The following TRIM66 variants were observed in gnomAD, a reference collection of about 807,000 sequenced individuals.
TRIM66 encodes tripartite motif containing 66, also known as tripartite motif-containing protein 66.
In TRIM66, 99 loss-of-function variants were observed where a neutral mutation model predicts 148.2. The ratio of observed to expected loss-of-function variants is 0.67; its 90% CI spans 0.57 to 0.79. The LOEUF is 0.79. Ranked by LOEUF, TRIM66 falls within the 30% of genes least tolerant of loss-of-function variation. The pLI, the probability that TRIM66 is intolerant of heterozygous loss-of-function variation, is 0.00. For missense variants in TRIM66, 1,666 were observed against 1,697.9 expected (o/e 0.98, Z 0.33); for synonymous variants, 616 against 635.9 (o/e 0.97, Z 0.47).
chr11:8,677,176 T>C (rs1056477827), intron 3 of TRIM66, among the ~76,000 whole-genome samples: 3 of 152,124 alleles, frequency 2.0e-5, no homozygotes, highest in South Asian at 4.1e-4. Context: ...ATAACACTCA[T>C]TTTAGGGAGA....
intron 15 of TRIM66, among the ~76,000 whole-genome samples, chr11:8,629,719 C>T (rs1401328371): frequency 6.6e-6 from 1 of 152,148 alleles, no homozygotes; most frequent in African/African-American, 2.4e-5. Flanking sequence ...TCCCGTAATG[C>T]CCAGAAGACA....
intron 15 of TRIM66, among the ~76,000 whole-genome samples, chr11:8,636,055 AATC>A (rs2133001591): frequency 6.6e-6 from 1 of 152,030 alleles, no homozygotes; most frequent in East Asian, 1.9e-4. Context: ...CCTTTCCCGT[AATC>A]ATTCCTGGGC....
chr11:8,621,428 A>T (rs943807331), intron 19 of TRIM66, 107 bp from the exon 20 acceptor site: 10 of 1,411,034 alleles, frequency 7.1e-6, no homozygotes, highest in Non-Finnish European at 8.4e-6. Flanking sequence ...AGAGCCACTT[A>T]TTCCAGGACC....
At chr11:8,643,796 C>G (rs2036611201) in intron 12 of TRIM66, among the ~76,000 whole-genome samples, 1 of 152,162 alleles carries the variant, frequency 6.6e-6, no homozygotes, top group African/African-American at 2.4e-5. Flanking sequence ...GCTGTACTTC[C>G]ACTTGCAGGT....
Position 8,618,805 on chromosome 11 carries a change from G to C in TRIM66, c.4064C>G (p.Pro1355Arg). The C allele has an allele frequency of 6.4e-7, 1 of 1,551,310 alleles. No homozygotes were observed. The highest frequency in any genetic ancestry group is 8.7e-7 in the Non-Finnish European group (1 of 1,146,924). The part of the protein sequence containing the change: ...ESGCSTPQGF[P>R]WPPYMQEGIQ... ...GCCCTCCTGCATGTAGGGAGGCCAC[G>C]GGAAGCCCTGGGGAGTGGAACATCC... Residue 1355 changes from proline (P) to arginine (R), a missense_variant, in exon 24 of 25, where the codon CCG becomes CGG. Physicochemically the swap from Pro to Arg is moderately radical, Grantham distance 103. Coordinates refer to ENST00000646038, the MANE Select transcript of TRIM66 (RefSeq NM_001388022.1).
upstream of TRIM66, chr11:8,683,048 C>A (rs1463702968): frequency 1.7e-5 from 15 of 875,434 alleles, no homozygotes; most frequent in Non-Finnish European, 2.5e-5. Flanking sequence ...CGTGGTGAGA[C>A]CTCACGGCCC....
intron 16 of TRIM66, 43 bp downstream of exon 16, chr11:8,624,670 T>C: frequency 6.8e-7 from 1 of 1,478,502 alleles, no homozygotes; most frequent in East Asian, 2.5e-5. Context: ...TTTTGCCCAA[T>C]GATGAACAAA....
intron 3 of TRIM66, among the ~76,000 whole-genome samples, chr11:8,677,375 A>G (rs569117471): frequency 1.3e-5 from 2 of 152,324 alleles, no homozygotes; most frequent in East Asian, 1.9e-4. Flanking sequence ...TACACACTCA[A>G]TTAATATTTA....
Position 8,647,008 on chromosome 11 carries a change from A to G in TRIM66, c.843-447T>C, listed in dbSNP as rs531186808. ...GAGAGTGACTAATAATGTTTATATTATTGGCATAATAACATATTATATAAT... is the reference window on the plus strand; with the variant it reads ...GAGAGTGACTAATAATGTTTATATTGTTGGCATAATAACATATTATATAAT... On this transcript the variant is annotated intron_variant, in intron 10 of 24. Transcript: ENST00000646038. Among the ~76,000 whole-genome samples the G allele has an allele frequency of 1.3e-4, 19 of 150,700 alleles. No homozygotes were observed. In the East Asian group the frequency reaches 3.5e-3, roughly 28 times the overall value.
In TRIM66 at chr11:8,615,595, A is replaced by G. The variant is rs1454658342; in HGVS notation, c.*2349T>C. On this transcript the variant is annotated 3_prime_UTR_variant, in exon 25 of 25. Transcript: ENST00000646038. ...CAAAAACAAAACAAAACCATGATTC[A>G]AAACACTGGTGGCTAGGTCTAAAGG... 1.3e-5 allele frequency: 2 copies of G among 152,064 alleles called. No individual in the cohort carries two copies. Among genetic ancestry groups the G allele is most frequent in the African/African-American group, 4.8e-5 (2 of 41,384 alleles). The allele number at this position is 152,064 out of a possible 1,614,324, so 9.4% of individuals were successfully genotyped here. A position where few individuals can be genotyped will look rare whatever the true frequency, so the allele number is the denominator to read the frequency against.
intron 6 of TRIM66, among the ~76,000 whole-genome samples, chr11:8,671,558 A>C (rs1784529319): frequency 6.6e-6 from 1 of 152,204 alleles, no homozygotes; most frequent in African/African-American, 2.4e-5. Context: ...GTCTGCCACC[A>C]ATTTAAGGAA....
In TRIM66 at chr11:8,672,257, A is replaced by G. The variant is rs1479623819; in HGVS notation, c.18T>C (p.Phe6=). ...AGCCTCAGTTCCTCACCTGGGACCA[A>G]AAAGAGAGTCTAGCCATCTCTGCCG... The part of the protein sequence containing the change: MARLS[F]WSQGVELARS... The change falls in exon 5 of 25, where the codon TTT becomes TTC. Residue 6 remains phenylalanine, a synonymous_variant. Coordinates refer to ENST00000646038, the MANE Select transcript of TRIM66 (RefSeq NM_001388022.1). 8.5e-6 allele frequency: 13 copies of G among 1,536,034 alleles called. No homozygotes were observed. Among genetic ancestry groups the G allele is most frequent in the Non-Finnish European group, 1.1e-5 (13 of 1,146,910 alleles).
Position 8,672,667 on chromosome 11 carries a change from C to A in TRIM66, c.-111-282G>T, listed in dbSNP as rs1287639669. Among the ~76,000 whole-genome samples, 6 of 145,474 alleles carry A rather than the reference C, an allele frequency of 4.1e-5. No homozygotes were observed. In the South Asian group the frequency reaches 1.3e-3, roughly 32 times the overall value. ...ACAGGATCTCACTCTGTGGCCCAGG[C>A]TGGAGTGCAGTGGCACAATCACAGC... On this transcript the variant is annotated intron_variant, in intron 4 of 24. Coordinates refer to ENST00000646038, the MANE Select transcript of TRIM66 (RefSeq NM_001388022.1).
intron 6 of TRIM66, among the ~76,000 whole-genome samples, chr11:8,658,341 C>T (rs2038007355): frequency 6.6e-6 from 1 of 152,236 alleles, no homozygotes; most frequent in Non-Finnish European, 1.5e-5. Context: ...AAGAAAACGA[C>T]ATTTTCAACT....
chr11:8,643,916 AC>A (rs1207305786), intron 12 of TRIM66, among the ~76,000 whole-genome samples: 3 of 152,124 alleles, frequency 2.0e-5, no homozygotes, highest in African/African-American at 7.2e-5. Context: ...TGTCCAACTT[AC>A]CCTGCTATCC....
chr11:8,643,337 C>G (rs933885850), intron 12 of TRIM66, among the ~76,000 whole-genome samples: 1 of 140,516 alleles, frequency 7.1e-6, no homozygotes, highest in Non-Finnish European at 1.5e-5. Flanking sequence ...AACCTACATT[C>G]TTTTTTTTTT....
In TRIM66 at chr11:8,621,775, C is replaced by T. The variant is rs756969668; in HGVS notation, c.3125G>A (p.Arg1042Gln). 8 of 1,550,852 alleles carry T rather than the reference C, an allele frequency of 5.2e-6. No individual in the cohort carries two copies. The highest frequency in any genetic ancestry group is 2.4e-5 in the South Asian group (2 of 83,898). ...EHKIPYVRLE[R>Q]LKICAASSGE... ...TGAGGAGGCAGCACAGATCTTGAGTCGCTCCAGTCGCACATAGGGAATCTT... is the reference window on the plus strand; with the variant it reads ...TGAGGAGGCAGCACAGATCTTGAGTTGCTCCAGTCGCACATAGGGAATCTT... Residue 1042 changes from arginine (R) to glutamine (Q), a missense_variant, in exon 19 of 25, where the codon CGA becomes CAA. By Grantham distance (43) the Arg-to-Gln change is conservative. Around this residue, in one of 3 missense-constraint regions of TRIM66, gnomAD observed 1,431 missense variants for 1,412.4 expected, o/e 1.01. Coordinates refer to ENST00000646038, the MANE Select transcript of TRIM66 (RefSeq NM_001388022.1).
chr11:8,628,612 CAAAAA>C (rs750649249), intron 15 of TRIM66, among the ~76,000 whole-genome samples: 1 of 80,640 alleles, frequency 1.2e-5, no homozygotes, highest in Non-Finnish European at 2.6e-5. Flanking sequence ...GACCCTGTCT[CAAAAA>C]AAAAAAAAAA....
At chr11:8,666,764 C>T (rs1272545806) in intron 6 of TRIM66, among the ~76,000 whole-genome samples, 7 of 152,172 alleles carry the variant, frequency 4.6e-5, no homozygotes, top group Admixed American at 3.9e-4. Flanking sequence ...TTTTATTCTT[C>T]ATTGCAATTA....
Sources: allele counts gnomAD v4.1 joint callset (sites outside exome capture counted in the v4.1 genomes callset), GRCh38; gene constraint gnomAD v4.1.1; regional missense constraint gnomAD v4.1.1; transcripts MANE v1.5; gene names NCBI Gene and HGNC (gene_info 2026-07-23, HGNC 2026-07-21).